GABRA1: variants seen among roughly 807,000 people sequenced by gnomAD.
The protein encoded by GABRA1 is gamma-aminobutyric acid receptor subunit alpha-1.
A neutral mutation model predicts 48.9 loss-of-function variants in GABRA1; 9 were observed. The observed-to-expected ratio is 0.18, with a 90% CI of 0.11 to 0.32. GABRA1 has a LOEUF of 0.32. Ranked by LOEUF, GABRA1 falls within the 10% of genes least tolerant of loss-of-function variation. The pLI, the probability that GABRA1 is intolerant of heterozygous loss-of-function variation, is 1.00. For synonymous variants in GABRA1, 210 were observed against 198.7 expected (o/e 1.06, Z -0.48); for missense variants, 285 against 553.8 (o/e 0.51, Z 4.87).
chr5:161,884,690 T>G (rs542129201), intron 7 of GABRA1, among the ~76,000 whole-genome samples: 33 of 152,220 alleles, frequency 2.2e-4, no homozygotes, highest in Admixed American at 1.1e-3. Flanking sequence ...CTTCATCTAT[T>G]TTTGTTAGAA....
chr5:161,886,681 T>C (rs1440547798), intron 7 of GABRA1, among the ~76,000 whole-genome samples: 6 of 151,960 alleles, frequency 3.9e-5, no homozygotes, highest in Non-Finnish European at 7.4e-5. Context: ...GAGGCCAAGA[T>C]GGGAGGATCA....
intron 9 of GABRA1, among the ~76,000 whole-genome samples, chr5:161,896,794 A>G (rs1410669141): frequency 6.6e-6 from 1 of 152,200 alleles, no homozygotes; most frequent in Non-Finnish European, 1.5e-5. Context: ...GGGGCTAAGA[A>G]ATTCTGTAGT....
At chr5:161,895,010 GTAT>G (rs1263290052) in intron 8 of GABRA1, among the ~76,000 whole-genome samples, 3 of 151,392 alleles carry the variant, frequency 2.0e-5, no homozygotes, top group African/African-American at 4.9e-5. Context: ...TACATAAAAT[GTAT>G]TATTATATAT....
chr5:161,873,571 G>T (rs939911350), intron 5 of GABRA1, among the ~76,000 whole-genome samples: 6 of 152,138 alleles, frequency 3.9e-5, no homozygotes, highest in Non-Finnish European at 7.4e-5. Context: ...ATTTTCTGTA[G>T]CTAGGTGGAT....
chr5:161,878,162 A>G (rs1754446709), intron 6 of GABRA1, among the ~76,000 whole-genome samples: 1 of 152,150 alleles, frequency 6.6e-6, no homozygotes, highest in Non-Finnish European at 1.5e-5. Flanking sequence ...AGGTTACAAG[A>G]CTCAGGCTTT....
intron 7 of GABRA1, among the ~76,000 whole-genome samples, chr5:161,888,177 A>G (rs1042086809): frequency 1.2e-4 from 18 of 152,290 alleles, no homozygotes; most frequent in African/African-American, 4.3e-4. Context: ...AGGAGGGAAA[A>G]TAATTTGACA....
At chr5:161,861,222 T>C (rs1266548770) in intron 3 of GABRA1, among the ~76,000 whole-genome samples, 1 of 151,858 alleles carries the variant, frequency 6.6e-6, no homozygotes, top group Non-Finnish European at 1.5e-5. Context: ...AGACTTATAC[T>C]GATTACTCAC....
At chr5:161,847,575 G>A (rs931999880), upstream of GABRA1, 12 of 152,172 alleles carry the variant, frequency 7.9e-5, no homozygotes, top group Non-Finnish European at 1.6e-4. Flanking sequence ...TCTAAATCCA[G>A]TAGCCAATTT....
At chr5:161,859,528 T>C (rs1422080704) in intron 3 of GABRA1, among the ~76,000 whole-genome samples, 1 of 151,758 alleles carries the variant, frequency 6.6e-6, no homozygotes, top group East Asian at 1.9e-4. Context: ...AAGTATTTTT[T>C]GTGCAACTTT....
chr5:161,862,015 C>T (rs370876577), intron 3 of GABRA1, among the ~76,000 whole-genome samples: 5 of 151,926 alleles, frequency 3.3e-5, no homozygotes, highest in East Asian at 3.9e-4. Context: ...AAAATATGGC[C>T]AATACCATAT....
chr5:161,850,512 C>A, intron 1 of GABRA1: 2 of 519,356 alleles, frequency 3.9e-6, no homozygotes, highest in Non-Finnish European at 6.8e-6. Flanking sequence ...TAGAGATAAA[C>A]AACTCACAGT....
intron 6 of GABRA1, 43 bp downstream of exon 6, chr5:161,875,685 A>C (rs2113389472): frequency 7.2e-7 from 1 of 1,388,834 alleles, no homozygotes; most frequent in Non-Finnish European, 1.0e-6. Flanking sequence ...TAAGTCATTA[A>C]GCAAGAGATC....
Position 161,893,048 on chromosome 5 carries a change from T to TAATAATAATAATAAAA in GABRA1, c.856+2000_856+2001insTAATAATAATAAAAAA, listed in dbSNP as rs5872733. ...ATAATAATAATAATAATAATAATAA[T>TAATAATAATAATAAAA]AAAATAAACACAGGACATATTTATG... On this transcript the variant is annotated intron_variant, in intron 8 of 9. Transcript: ENST00000393943. 3.9e-4 allele frequency among the ~76,000 whole-genome samples: 55 copies of TAATAATAATAATAAAA among 142,002 alleles called. 1 individual carries two copies. The highest frequency in any genetic ancestry group is 2.0e-3 in the South Asian group (9 of 4,518). 93.2% of individuals were successfully genotyped at this position (142,002 alleles called of 152,430 possible).
intron 3 of GABRA1, among the ~76,000 whole-genome samples, chr5:161,861,033 T>A (rs1243186915): frequency 6.6e-6 from 1 of 151,794 alleles, no homozygotes; most frequent in East Asian, 1.9e-4. Flanking sequence ...GAGATGAGAA[T>A]CTCATTTGCT....
At chr5:161,879,655 ACTTGCAT>A (rs1754526221) in intron 6 of GABRA1, among the ~76,000 whole-genome samples, 2 of 152,128 alleles carry the variant, frequency 1.3e-5, no homozygotes, top group Non-Finnish European at 2.9e-5. Context: ...TAAAATACTA[ACTTGCAT>A]CAGGTGAATC....
chr5:161,871,797 C>T (rs754812039), intron 4 of GABRA1, among the ~76,000 whole-genome samples: 9 of 152,102 alleles, frequency 5.9e-5, no homozygotes, highest in Non-Finnish European at 1.2e-4. Context: ...AGTCTGTCAC[C>T]GGATTACACC....
chr5:161,848,027 T>A (rs890841912), upstream of GABRA1: 51 of 152,092 alleles, frequency 3.4e-4, no homozygotes, highest in African/African-American at 1.2e-3. Context: ...TAAATTGTGC[T>A]GCATATAAAA....
At chr5:161,889,680 T>C (rs932306921) in intron 7 of GABRA1, among the ~76,000 whole-genome samples, 2 of 152,016 alleles carry the variant, frequency 1.3e-5, no homozygotes, top group African/African-American at 2.4e-5. Flanking sequence ...GATTAGGAAG[T>C]TTGCTTGTTA....
chr5:161,858,735 G>A (rs1333818619), intron 3 of GABRA1, among the ~76,000 whole-genome samples: 1 of 151,698 alleles, frequency 6.6e-6, no homozygotes, highest in East Asian at 1.9e-4. Flanking sequence ...AAGGAATGAG[G>A]TCTTGAGTCA....
Sources: gnomAD v4.1 joint callset for allele counts (sites outside exome capture counted in the v4.1 genomes callset) on GRCh38, gnomAD v4.1.1 for gene constraint, MANE v1.5 for transcripts, NCBI Gene and HGNC (gene_info 2026-07-23, HGNC 2026-07-21) for gene names.